Variants in PPIG observed in about 807,000 individuals in gnomAD.
PPIG encodes the protein peptidylprolyl isomerase G.
PPIG carries 26 observed loss-of-function variants against 87.9 expected under a neutral mutation model. The observed-to-expected ratio is 0.30, with a 90% CI of 0.22 to 0.41. The LOEUF (loss-of-function observed/expected upper bound fraction) is 0.41. PPIG is among the 10% of genes least tolerant of loss of function. The probability of loss-of-function intolerance (pLI) is 1.00; values close to 1 mark genes in which losing one functional copy is unlikely to be tolerated. For missense variants in PPIG, 722 were observed against 879.4 expected (o/e 0.82, Z 2.26); for synonymous variants, 308 against 276.5 (o/e 1.11, Z -1.13).
rs775130624 is a variant in PPIG at position 169,637,293 on chromosome 2, GA to G, written c.2042del (p.Lys681ArgfsTer12). On this transcript the variant is annotated frameshift_variant, in exon 14 of 14. Coordinates refer to ENST00000260970, the MANE Select transcript of PPIG (RefSeq NM_004792.3). LOFTEE classifies it high-confidence loss of function. ...RDHNSSNNSR[E>X]KKADRDQSPF... ...TCATAATAGCTCAAATAACAGCAGG[GA>G]AAAAAAGGCTGATAGAGATCAAAGT... 2 of 1,603,378 alleles carry G rather than the reference GA, an allele frequency of 1.2e-6. No homozygotes were observed. Among genetic ancestry groups the G allele is most frequent in the Admixed American group, 1.7e-5 (1 of 57,450 alleles).
chr2:169,590,756 CAGTG>C (rs1210016571), intron 1 of PPIG, among the ~76,000 whole-genome samples: 2 of 152,194 alleles, frequency 1.3e-5, no homozygotes, highest in South Asian at 2.1e-4. Context: ...ACACGGGAAT[CAGTG>C]AGGAGAATCC....
At chr2:169,615,847 T>A (rs1434708055) in intron 9 of PPIG, among the ~76,000 whole-genome samples, 1 of 152,212 alleles carries the variant, frequency 6.6e-6, no homozygotes, top group Non-Finnish European at 1.5e-5. Flanking sequence ...AGAAGTTCTA[T>A]TTTTAATTTT....
At chr2:169,596,802 C>G (rs145531521) in intron 1 of PPIG, among the ~76,000 whole-genome samples, 15 of 151,802 alleles carry the variant, frequency 9.9e-5, no homozygotes, top group Non-Finnish European at 1.6e-4. Context: ...CGGGTTTAAG[C>G]GATTCTCCTG....
chr2:169,585,809 T>C (rs1034954383), intron 1 of PPIG, among the ~76,000 whole-genome samples: 7 of 152,168 alleles, frequency 4.6e-5, no homozygotes, highest in Admixed American at 3.3e-4. Flanking sequence ...GGGCCTGATA[T>C]TAACTTTCAG....
chr2:169,613,370 T>G (rs1270980124), intron 7 of PPIG, among the ~76,000 whole-genome samples: 8 of 152,218 alleles, frequency 5.3e-5, no homozygotes, highest in Non-Finnish European at 1.0e-4. Flanking sequence ...CACCAAAGAT[T>G]AGCATAAATT....
intron 1 of PPIG, among the ~76,000 whole-genome samples, chr2:169,600,084 T>C (rs991638953): frequency 1.3e-5 from 2 of 151,856 alleles, no homozygotes; most frequent in African/African-American, 4.8e-5. Flanking sequence ...AAAAATTTTT[T>C]TTTTTTTTTT....
chr2:169,590,430 G>A lies in PPIG; in HGVS notation c.-70+5940G>A, dbSNP rs528617971. ...CCGAGGCAGGCGGATCACCAGGTCA[G>A]GAGATCGAGACCATCCTAGCTAACA... On this transcript the variant is annotated intron_variant, in intron 1 of 13. Coordinates refer to ENST00000260970, the MANE Select transcript of PPIG (RefSeq NM_004792.3). Among the ~76,000 whole-genome samples, 4 of 152,298 alleles carry A rather than the reference G, an allele frequency of 2.6e-5. No homozygotes were observed. The South Asian group carries it at 8.3e-4, about 32-fold the overall frequency.
intron 1 of PPIG, among the ~76,000 whole-genome samples, chr2:169,599,589 A>G (rs776292710): frequency 3.4e-4 from 51 of 152,218 alleles, no homozygotes; most frequent in Non-Finnish European, 6.5e-4. Flanking sequence ...TTGGCCTGTA[A>G]TGCCAAGTTG....
At chr2:169,613,443 A>G (rs1474236152) in intron 7 of PPIG, among the ~76,000 whole-genome samples, 1 of 152,206 alleles carries the variant, frequency 6.6e-6, no homozygotes, top group African/African-American at 2.4e-5. Context: ...AAAAAATCTT[A>G]TAAAATGCTA....
chr2:169,626,539 C>T (rs1396093438), intron 9 of PPIG, among the ~76,000 whole-genome samples: 1 of 151,250 alleles, frequency 6.6e-6, no homozygotes, highest in East Asian at 1.9e-4. Context: ...TTACAGATAC[C>T]CTCTACCATA....
At position 169,637,215 on chromosome 2, in the gene PPIG, C is replaced by T; in HGVS notation, c.1957C>T (p.His653Tyr). Residue 653 changes from histidine (H) to tyrosine (Y), a missense_variant, in exon 14 of 14, where the codon CAC becomes TAC. By Grantham distance (83) the His-to-Tyr change is moderately conservative. Around this residue, in one of 4 missense-constraint regions of PPIG, gnomAD observed 476 missense variants for 483.1 expected, o/e 0.99. Coordinates refer to ENST00000260970, the MANE Select transcript of PPIG (RefSeq NM_004792.3). ...CAGAAACCAAGAGAGTAAGAGCTCA[C>T]ACAGAAAAGAAAATTCTGAGAGTGA... ...KYRNQESKSS[H>Y]RKENSESEKR... The T allele has an allele frequency of 6.2e-7, 1 of 1,613,148 alleles. No homozygotes were observed. Among genetic ancestry groups the T allele is most frequent in the Non-Finnish European group, 8.5e-7 (1 of 1,179,858 alleles).
chr2:169,632,609 C>T (rs1020372392), intron 11 of PPIG, among the ~76,000 whole-genome samples: 16 of 151,758 alleles, frequency 1.1e-4, no homozygotes, highest in Non-Finnish European at 1.2e-4. Flanking sequence ...GGTGTGGTGG[C>T]GGGTGCCTGT....
intron 1 of PPIG, among the ~76,000 whole-genome samples, chr2:169,597,616 A>G (rs560170119): frequency 8.6e-5 from 13 of 150,890 alleles, no homozygotes; most frequent in East Asian, 2.0e-4. Context: ...CTGTGCCTCA[A>G]CCTCCCGAGT....
chr2:169,617,800 CAG>C (rs1685642670), intron 9 of PPIG, among the ~76,000 whole-genome samples: 1 of 152,178 alleles, frequency 6.6e-6, no homozygotes, highest in Non-Finnish European at 1.5e-5. Context: ...CATCTGCAAA[CAG>C]AGACAATTTG....
chr2:169,614,748 G>A (rs753249263), intron 9 of PPIG, 24 bp downstream of exon 9: 1 of 1,584,032 alleles, frequency 6.3e-7, no homozygotes, highest in African/African-American at 1.4e-5. Context: ...ACATATTTCT[G>A]AGAATACTTA....
chr2:169,623,235 ACAGAC>A (rs1685802673), intron 9 of PPIG, among the ~76,000 whole-genome samples: 1 of 152,206 alleles, frequency 6.6e-6, no homozygotes, highest in Non-Finnish European at 1.5e-5. Context: ...AGGATAGAAC[ACAGAC>A]CAGTACCTTG....
rs76911830 is a variant in PPIG at position 169,633,837 on chromosome 2, T to C, written c.1017+590T>C. ...TTGTAATATTCTTTCCACCCCCCCC[T>C]TTTTTTTTTTTGAGATGGAGTCTCA... On this transcript the variant is annotated intron_variant, in intron 12 of 13. Transcript: ENST00000260970. 2.4e-3 allele frequency among the ~76,000 whole-genome samples: 58 copies of C among 24,324 alleles called. 1 individual carries two copies. The highest frequency in any genetic ancestry group is 0.018 in the East Asian group (29 of 1,578). The allele number at this position is 24,324 out of a possible 152,430, so 16.0% of individuals were successfully genotyped here.
chr2:169,633,194 A>C lies in PPIG; in HGVS notation c.964A>C (p.Arg322=). The part of the protein sequence containing the change: ...PPNSQPASYQ[R]RLLVTRSGRK... ...TAACTCCCAGCCTGCTTCATACCAG[A>C]GACGACTTTTAGTTACTAGATCTGG... Residue 322 remains arginine, a synonymous_variant, in exon 12 of 14, where the codon AGA becomes CGA. Transcript: ENST00000260970. The C allele has an allele frequency of 6.2e-7, 1 of 1,611,376 alleles. No homozygotes were observed. Among genetic ancestry groups the C allele is most frequent in the Non-Finnish European group, 8.5e-7 (1 of 1,178,222 alleles).
chr2:169,603,554 A>G (rs949763411), intron 1 of PPIG, 88 bp from the exon 2 acceptor site: 1 of 62,616 alleles, frequency 1.6e-5, no homozygotes, highest in Non-Finnish European at 3.3e-5. Context: ...ATAGTATATT[A>G]ACTATATACT....
Sources: allele counts gnomAD v4.1 joint callset (sites outside exome capture counted in the v4.1 genomes callset), GRCh38; gene constraint gnomAD v4.1.1; regional missense constraint gnomAD v4.1.1; transcripts MANE v1.5; gene names NCBI Gene and HGNC (gene_info 2026-07-23, HGNC 2026-07-21).